Variants in PCNT observed in about 807,000 individuals in gnomAD.
The protein encoded by PCNT is kendrin.
In PCNT, 319 loss-of-function variants were observed where a neutral mutation model predicts 380.4. That is an observed-to-expected ratio of 0.84 (90% confidence interval 0.77 to 0.92). The LOEUF (loss-of-function observed/expected upper bound fraction) is 0.92, where lower values mean the gene tolerates loss of function less well. Ranked by LOEUF, PCNT falls within the 40% of genes least tolerant of loss-of-function variation. The pLI is 0.00. For synonymous variants in PCNT, 1,845 were observed against 1,735.2 expected, an observed-to-expected ratio of 1.06 and a Z score of -1.57; for missense variants, 4,400 against 4,255.3, an observed-to-expected ratio of 1.03 and a Z score of -0.95.
chr21:46,396,489 C>G (rs1449135699), intron 21 of PCNT, among the ~76,000 whole-genome samples: 1 of 152,212 alleles, frequency 6.6e-6, no homozygotes, highest in East Asian at 1.9e-4. Flanking sequence ...AGGGTGGAGC[C>G]CTTGCGGCCT....
At chr21:46,341,916 T>C (rs1421953043) in intron 3 of PCNT, among the ~76,000 whole-genome samples, 1 of 150,804 alleles carries the variant, frequency 6.6e-6, no homozygotes, top group Non-Finnish European at 1.5e-5. Flanking sequence ...TGGCCTCAAG[T>C]GATGCTCCTG....
intron 37 of PCNT, chr21:46,431,092 C>T (rs935995337): frequency 2.0e-6 from 2 of 985,312 alleles, no homozygotes; most frequent in African/African-American, 3.5e-5. Flanking sequence ...CTTTCAACAG[C>T]ATGGAAGTGG....
At chr21:46,342,064 C>A (rs181716501) in intron 3 of PCNT, among the ~76,000 whole-genome samples, 11 of 151,990 alleles carry the variant, frequency 7.2e-5, no homozygotes, top group Admixed American at 2.0e-4. Flanking sequence ...GCCTCAGCCT[C>A]CTGAGGAGCT....
chr21:46,405,305 C>T (rs1343180185), intron 27 of PCNT, among the ~76,000 whole-genome samples: 1 of 152,214 alleles, frequency 6.6e-6, no homozygotes, highest in Admixed American at 6.5e-5. Flanking sequence ...TTTAATTTCC[C>T]TTTGACAGAG....
At chr21:46,360,908 T>A (rs2084691746) in intron 13 of PCNT, among the ~76,000 whole-genome samples, 1 of 152,142 alleles carries the variant, frequency 6.6e-6, no homozygotes, top group African/African-American at 2.4e-5. Context: ...ACTGGTGTGG[T>A]TGATTTAGGT....
At position 46,425,324 on chromosome 21, in the gene PCNT, G is replaced by T. The variant is rs1441452672; in HGVS notation, c.7180-507G>T. On this transcript the variant is annotated intron_variant, in intron 32 of 46. Transcript: ENST00000359568. The surrounding 1 kb of genome is among the most constrained non-coding windows in gnomAD (Gnocchi z 4.2). ...GGGGATGGTTTTCTCTGCTCCCCGT[G>T]CCCAGCACAGGCAGCTTCACCCCAC... Among the ~76,000 whole-genome samples the T allele has an allele frequency of 6.6e-6, 1 of 152,220 alleles. No homozygotes were observed. The highest frequency in any genetic ancestry group is 1.5e-5 in the Non-Finnish European group (1 of 68,046).
In PCNT at chr21:46,366,506, G is replaced by T. The variant is rs1328283729; in HGVS notation, c.2610-78G>T. On this transcript the variant is annotated intron_variant, in intron 14 of 46. Transcript: ENST00000359568. Reference sequence around the variant, plus strand: ...ACAGTTGAAGTGGCATTTCCTGTGGGAAACTGACTTGGCTTTTGCAAGGGT... The same window carrying T: ...ACAGTTGAAGTGGCATTTCCTGTGGTAAACTGACTTGGCTTTTGCAAGGGT... 11 of 1,217,782 alleles carry T rather than the reference G, an allele frequency of 9.0e-6. No homozygotes were observed. In the East Asian group the frequency reaches 2.6e-4, roughly 28 times the overall value. The allele number at this position is 1,217,782 out of a possible 1,614,324, so 75.4% of individuals were successfully genotyped here.
At chr21:46,369,033 C>T (rs1464773446) in intron 15 of PCNT, among the ~76,000 whole-genome samples, 2 of 152,146 alleles carry the variant, frequency 1.3e-5, no homozygotes, top group Non-Finnish European at 1.5e-5. Context: ...CTTCTTTAAT[C>T]GCTGTGAGGG....
At chr21:46,392,529 T>G (rs1321718063) in intron 21 of PCNT, among the ~76,000 whole-genome samples, 2 of 152,238 alleles carry the variant, frequency 1.3e-5, no homozygotes, top group African/African-American at 2.4e-5. Flanking sequence ...CCAGCTCCTA[T>G]GGTTTCTCAC....
chr21:46,390,587 G>A lies in PCNT; in HGVS notation c.3841-83G>A, dbSNP rs117669919. 23,691 of 1,464,660 alleles carry A rather than the reference G, an allele frequency of 0.016. 225 individuals are homozygous for A. The highest frequency in any genetic ancestry group is 0.02 in the Non-Finnish European group (20,684 of 1,045,292). 90.7% of individuals were successfully genotyped at this position (1,464,660 alleles called of 1,614,324 possible). A position where few individuals can be genotyped will look rare whatever the true frequency, so the allele number is the denominator to read the frequency against. On this transcript the variant is annotated intron_variant, in intron 19 of 46. Coordinates refer to ENST00000359568, the MANE Select transcript of PCNT (RefSeq NM_006031.6). ...TGGTGACGGCCTGAAGGGTCTGGGG[G>A]TAGAAGTGGCGTTCTCTTGGTCTTA...
chr21:46,349,067 A>G lies in PCNT; in HGVS notation c.1088A>G (p.Lys363Arg). Reference protein sequence around the residue: ...EKDLCLENLRKELSAKHQSEM... With the variant: ...EKDLCLENLRRELSAKHQSEM... ...GATTTATGTTTAGAAAATCTACGCA[A>G]AGAACTGTCTGCAAAGCATCAATCA... is the stretch of plus-strand genomic sequence containing the variant. Residue 363 changes from lysine (K) to arginine (R), a missense_variant, in exon 7 of 47, where the codon AAA (lysine) becomes AGA (arginine). Coordinates refer to ENST00000359568, the MANE Select transcript of PCNT (RefSeq NM_006031.6). The G allele has an allele frequency of 6.2e-7, 1 of 1,608,268 alleles. No individual in the cohort carries two copies. The highest frequency in any genetic ancestry group is 8.5e-7 in the Non-Finnish European group (1 of 1,174,648).
intron 19 of PCNT, among the ~76,000 whole-genome samples, 200 bp downstream of exon 19, chr21:46,389,631 A>T (rs186633222): frequency 1.3e-5 from 2 of 152,282 alleles, no homozygotes; most frequent in African/African-American, 4.8e-5. Flanking sequence ...GATAATAAAC[A>T]GGCCCATTTT....
chr21:46,398,606 G>A (rs549131131), intron 24 of PCNT, among the ~76,000 whole-genome samples: 2 of 152,146 alleles, frequency 1.3e-5, no homozygotes, highest in African/African-American at 2.4e-5. Flanking sequence ...ACTGGGTCAC[G>A]GCCATGCCGC....
intron 38 of PCNT, among the ~76,000 whole-genome samples, chr21:46,435,096 A>G (rs1177292877): frequency 2.0e-5 from 3 of 152,220 alleles, no homozygotes; most frequent in Non-Finnish European, 4.4e-5. Context: ...GCAGTGTGTC[A>G]GCTGTGGGTC....
chr21:46,431,988 A>C lies in PCNT; in HGVS notation c.8524A>C (p.Thr2842Pro). The change falls in exon 38 of 47, where the codon ACA becomes CCA. Residue 2842 changes from threonine to proline, a missense_variant. By Grantham distance (38) the Thr-to-Pro change is conservative. Transcript: ENST00000359568. ...CAGGAGAGAGAAGGAGGTAAGTGCC[A>C]CACTGAAGTCGACGGTGGAAGCCCT... ...ALRREKEVSA[T>P]LKSTVEALHT... 6.2e-7 allele frequency: 1 copy of C among 1,614,014 alleles called. No homozygotes were observed. The highest frequency in any genetic ancestry group is 8.5e-7 in the Non-Finnish European group (1 of 1,180,048).
chr21:46,366,848 C>T lies in PCNT; in HGVS notation c.2874C>T (p.Gly958=), dbSNP rs140317880. 3.2e-5 allele frequency: 52 copies of T among 1,613,930 alleles called. No homozygotes were observed. In the Middle Eastern group the frequency reaches 1.2e-3, roughly 36 times the overall value. ...AGACAAAACACGCTGCCGACCTCGGCGCTCTGGAGACCAGACATCTGTCCA... is the reference window on the plus strand; with the variant it reads ...AGACAAAACACGCTGCCGACCTCGGTGCTCTGGAGACCAGACATCTGTCCA... The part of the protein sequence containing the change: ...ELQTKHAADL[G]ALETRHLSSL... Residue 958 remains glycine (G), a synonymous_variant, in exon 15 of 47, where the codon GGC becomes GGT. Coordinates refer to ENST00000359568, the MANE Select transcript of PCNT (RefSeq NM_006031.6).
chr21:46,359,988 C>T (rs974651461), intron 13 of PCNT, among the ~76,000 whole-genome samples: 1 of 150,728 alleles, frequency 6.6e-6, no homozygotes, highest in Non-Finnish European at 1.5e-5. Flanking sequence ...TCCCAAGTAA[C>T]TGGGAGTACA....
chr21:46,376,681 T>C (rs997324385), intron 15 of PCNT, among the ~76,000 whole-genome samples: 2 of 152,222 alleles, frequency 1.3e-5, no homozygotes, highest in African/African-American at 4.8e-5. Context: ...CATCCCTGTT[T>C]GGACCTCTTA....
intron 3 of PCNT, among the ~76,000 whole-genome samples, chr21:46,345,911 C>T (rs566326931): frequency 2.0e-5 from 3 of 152,336 alleles, no homozygotes; most frequent in Non-Finnish European, 2.9e-5. Context: ...GTTGGGGCTT[C>T]GTTCCTTCTT....
Sources: gnomAD v4.1 joint callset for allele counts (sites outside exome capture counted in the v4.1 genomes callset) on GRCh38, gnomAD v4.1.1 for gene constraint, Gnocchi (gnomAD v3.1) non-coding constraint, MANE v1.5 for transcripts, NCBI Gene and HGNC (gene_info 2026-07-23, HGNC 2026-07-21) for gene names.